The following EML6 variants were observed in gnomAD, a reference collection of about 807,000 sequenced individuals.
The protein encoded by EML6 is echinoderm microtubule-associated protein-like 6.
EML6 carries 154 observed loss-of-function variants against 240.1 expected under a neutral mutation model. The observed-to-expected ratio is 0.64, with a 90% CI of 0.56 to 0.73. The LOEUF (loss-of-function observed/expected upper bound fraction) is 0.73. Among genes scored for constraint, EML6 ranks in the 30% least tolerant of loss-of-function variants. EML6 has a pLI of 0.00. For synonymous variants in EML6, 1,148 were observed against 899.0 expected (o/e 1.28, Z -4.95); for missense variants, 2,964 against 2,474.6 (o/e 1.20, Z -4.20).
chr2:54,954,570 G>A (rs78225547), intron 32 of EML6, among the ~76,000 whole-genome samples: 1,898 of 152,252 alleles, frequency 0.012, 26 homozygotes, highest in Non-Finnish European at 0.019. Flanking sequence ...TAGGAAATGG[G>A]ATCATGTTTT....
rs1291592794 is a variant in EML6, at chr2:54,892,478, G to A, written c.2564G>A (p.Gly855Glu). Residue 855 changes from glycine (G) to glutamate (E), a missense_variant, in exon 19 of 42, where the codon GGA becomes GAA. Coordinates refer to ENST00000356458, the MANE Select transcript of EML6 (RefSeq NM_001039753.4). ...QAGGGFTSKR[G>E]TFGSVGKLET... ...GGTGGGGGCTTCACTTCTAAAAGAG[G>A]AACTTTTGGAAGCGTTGGAAAATTG... is the stretch of plus-strand genomic sequence containing the variant. 6.4e-6 allele frequency: 10 copies of A among 1,551,100 alleles called. No individual in the cohort carries two copies. The highest frequency in any genetic ancestry group is 8.7e-6 in the Non-Finnish European group (10 of 1,146,620).
At chr2:54,827,871 C>T (rs1668672292) in intron 6 of EML6, 120 bp downstream of exon 6, 2 of 664,928 alleles carry the variant, frequency 3.0e-6, no homozygotes, top group Non-Finnish European at 5.1e-6. Context: ...ACACTCCCTA[C>T]TCATGATAAT....
chr2:54,727,813 G>T (rs2104364779), intron 2 of EML6, among the ~76,000 whole-genome samples: 1 of 152,164 alleles, frequency 6.6e-6, no homozygotes, highest in African/African-American at 2.4e-5. Context: ...TATTTTTTGT[G>T]CTGTTTTGCC....
chr2:54,936,484 A>G (rs906531230), intron 28 of EML6, among the ~76,000 whole-genome samples: 6 of 152,242 alleles, frequency 3.9e-5, no homozygotes, highest in African/African-American at 1.4e-4. Context: ...TGGAACCTGC[A>G]TTCTACAGAA....
At chr2:54,826,299 C>T (rs916672354) in intron 5 of EML6, among the ~76,000 whole-genome samples, 2 of 152,166 alleles carry the variant, frequency 1.3e-5, no homozygotes, top group African/African-American at 4.8e-5. Flanking sequence ...TGAGGGGGGG[C>T]TATATCAAGG....
chr2:54,839,575 C>T (rs572065886), intron 7 of EML6, among the ~76,000 whole-genome samples: 1 of 152,376 alleles, frequency 6.6e-6, no homozygotes, highest in Admixed American at 6.5e-5. Context: ...TCTTCCCTTC[C>T]ACCCATGTGT....
chr2:54,963,097 C>T (rs1676595826), intron 36 of EML6, among the ~76,000 whole-genome samples: 1 of 112,608 alleles, frequency 8.9e-6, no homozygotes, highest in South Asian at 3.0e-4. Context: ...TGGAGTAAAA[C>T]TGTGAAATAG....
At chr2:54,793,153 G>C (rs897534974) in intron 2 of EML6, among the ~76,000 whole-genome samples, 7 of 152,114 alleles carry the variant, frequency 4.6e-5, no homozygotes, top group Admixed American at 2.0e-4. Flanking sequence ...TGTAATCTCA[G>C]CTACTAGGGA....
In EML6 at chr2:54,955,373, C is replaced by A. The variant is rs567571750; in HGVS notation, c.4486+1217C>A. 5.9e-5 allele frequency among the ~76,000 whole-genome samples: 9 copies of A among 152,172 alleles called. No homozygotes were observed. In the South Asian group the frequency reaches 1.5e-3, roughly 25 times the overall value. Reference sequence around the variant, plus strand: ...TAAGGAGAAATTCCTTCAAATGCACCCCTTTGTCCTTTCAAGGGGTGTGGC... The same window carrying A: ...TAAGGAGAAATTCCTTCAAATGCACACCTTTGTCCTTTCAAGGGGTGTGGC... On this transcript the variant is annotated intron_variant, in intron 32 of 41. Transcript: ENST00000356458.
At chr2:54,927,380 G>C (rs1021164061) in intron 26 of EML6, among the ~76,000 whole-genome samples, 1 of 152,180 alleles carries the variant, frequency 6.6e-6, no homozygotes, top group Admixed American at 6.5e-5. Flanking sequence ...GGAGCCACTT[G>C]TAAATTACTT....
chr2:54,748,102 T>TAA (rs1394011575), intron 2 of EML6, among the ~76,000 whole-genome samples: 2 of 152,194 alleles, frequency 1.3e-5, no homozygotes, highest in Non-Finnish European at 2.9e-5. Flanking sequence ...AATTGTTTAT[T>TAA]AATTCTGGCA....
chr2:54,853,045 T>C (rs1670175867), intron 10 of EML6, among the ~76,000 whole-genome samples: 1 of 152,238 alleles, frequency 6.6e-6, no homozygotes, highest in Admixed American at 6.5e-5. Flanking sequence ...CAGTGCCTAG[T>C]ACTTATAAAT....
rs187975358 is a variant in EML6 at position 54,840,158 on chromosome 2, G to A, written c.848-3889G>A. On this transcript the variant is annotated intron_variant, in intron 7 of 41. Coordinates refer to ENST00000356458, the MANE Select transcript of EML6 (RefSeq NM_001039753.4). ...AGATACTTGACCAAATACAGCTCCA[G>A]GCCCTTGGGACAAATTCAAGTCATT... Among the ~76,000 whole-genome samples the A allele has an allele frequency of 6.4e-3, 980 of 152,266 alleles. 38 individuals are homozygous for A. Among genetic ancestry groups the A allele is most frequent in the Admixed American group, 0.057 (866 of 15,292 alleles).
intron 21 of EML6, among the ~76,000 whole-genome samples, chr2:54,896,642 G>A (rs922589583): frequency 6.6e-6 from 1 of 152,178 alleles, no homozygotes; most frequent in Non-Finnish European, 1.5e-5. Flanking sequence ...CATATGAGCA[G>A]TCAGAACTTC....
chr2:54,955,240 C>T (rs1558723322), intron 32 of EML6, among the ~76,000 whole-genome samples: 2 of 152,176 alleles, frequency 1.3e-5, no homozygotes, highest in Non-Finnish European at 2.9e-5. Flanking sequence ...AAGTGGCCAA[C>T]TGATTGACCA....
At chr2:54,919,889 C>T (rs1674130522) in intron 26 of EML6, among the ~76,000 whole-genome samples, 1 of 152,180 alleles carries the variant, frequency 6.6e-6, no homozygotes. Context: ...GAATCCCGTT[C>T]CTGTTTCAAC....
At chr2:54,935,972 G>A (rs1675114562) in intron 28 of EML6, among the ~76,000 whole-genome samples, 1 of 152,214 alleles carries the variant, frequency 6.6e-6, no homozygotes, top group African/African-American at 2.4e-5. Flanking sequence ...CAAGGCTGCA[G>A]TGAGCTGTGA....
intron 16 of EML6, among the ~76,000 whole-genome samples, chr2:54,872,385 G>A (rs73938648): frequency 0.042 from 6,426 of 151,996 alleles, 466 homozygotes; most frequent in African/African-American, 0.14. Context: ...TAAGTATAAC[G>A]TGTAATATTA....
chr2:54,891,979 G>C (rs888101107), intron 18 of EML6, among the ~76,000 whole-genome samples: 1 of 152,152 alleles, frequency 6.6e-6, no homozygotes, highest in Admixed American at 6.5e-5. Flanking sequence ...AATAAGCAGA[G>C]CATATATAAC....
Sources: allele counts gnomAD v4.1 joint callset (sites outside exome capture counted in the v4.1 genomes callset), GRCh38; gene constraint gnomAD v4.1.1; transcripts MANE v1.5; gene names NCBI Gene and HGNC (gene_info 2026-07-23, HGNC 2026-07-21).